Variants in PLEKHA2 observed in about 807,000 individuals in gnomAD.
PLEKHA2 encodes pleckstrin homology domain-containing family A member 2.
Under a neutral mutation model 53.2 loss-of-function variants are expected in PLEKHA2, and 28 were observed. The ratio of observed to expected loss-of-function variants is 0.53; its 90% CI spans 0.39 to 0.72. The LOEUF (loss-of-function observed/expected upper bound fraction) is 0.72. PLEKHA2 is among the 30% of genes least tolerant of loss of function. PLEKHA2 has a pLI of 0.00. For synonymous variants in PLEKHA2, 193 were observed against 196.4 expected, an observed-to-expected ratio of 0.98 and a Z score of 0.14; for missense variants, 426 against 537.9, an observed-to-expected ratio of 0.79 and a Z score of 2.06.
In PLEKHA2 at chr8:38,925,322, GACTA is replaced by G. The variant is rs1218628073; in HGVS notation, c.141+7257_141+7260del. Among the ~76,000 whole-genome samples the G allele has an allele frequency of 5.3e-5, 8 of 152,316 alleles. No individual in the cohort carries two copies. In the South Asian group the frequency reaches 1.2e-3, roughly 24 times the overall value. On this transcript the variant is annotated intron_variant, in intron 2 of 11. Transcript: ENST00000617275. ...CCCTACTCTAGTACAGCAATCTGCA[GACTA>G]ACTATGTTTTAGTTGCAGAGAATTG... is the stretch of plus-strand genomic sequence containing the variant.
intron 3 of PLEKHA2, among the ~76,000 whole-genome samples, chr8:38,939,343 G>GTCT (rs1323979546): frequency 6.6e-6 from 1 of 152,158 alleles, no homozygotes. Context: ...GACATTGAGG[G>GTCT]TCTTACCCTT....
chr8:38,911,099 C>A (rs1028472711), intron 1 of PLEKHA2, among the ~76,000 whole-genome samples: 1 of 152,134 alleles, frequency 6.6e-6, no homozygotes, highest in African/African-American at 2.4e-5. Flanking sequence ...CCTTCTCTTA[C>A]AAATACCCTG....
intron 10 of PLEKHA2, among the ~76,000 whole-genome samples, chr8:38,964,852 CTTTTTTTTTTTT>C (rs56714628): frequency 4.4e-4 from 24 of 54,954 alleles, no homozygotes; most frequent in African/African-American, 1.2e-3. Context: ...TGTTACTTCC[CTTTTTTTTTTTT>C]TTTTTTTTTT....
At chr8:38,927,954 G>A (rs1236515249) in intron 2 of PLEKHA2, among the ~76,000 whole-genome samples, 3 of 152,004 alleles carry the variant, frequency 2.0e-5, no homozygotes, top group Non-Finnish European at 4.4e-5. Context: ...GAGAGTGGGG[G>A]GGCAGGTTTA....
intron 1 of PLEKHA2, among the ~76,000 whole-genome samples, chr8:38,911,339 C>T (rs1833951560): frequency 6.6e-6 from 1 of 151,984 alleles, no homozygotes; most frequent in Admixed American, 6.6e-5. Flanking sequence ...CAGGTTCAAG[C>T]AATTCTCCTG....
chr8:38,926,967 A>C (rs1042757181), intron 2 of PLEKHA2, among the ~76,000 whole-genome samples: 1 of 152,220 alleles, frequency 6.6e-6, no homozygotes, highest in Non-Finnish European at 1.5e-5. Flanking sequence ...TAGCACATTG[A>C]AAGAATTGTG....
chr8:38,907,008 C>T (rs145275319), intron 1 of PLEKHA2, among the ~76,000 whole-genome samples: 19 of 152,278 alleles, frequency 1.2e-4, no homozygotes, highest in Non-Finnish European at 2.5e-4. Context: ...TCTCCTGTTA[C>T]CCAGTTGAGC....
At chr8:38,935,902 G>GA (rs1200581875) in intron 2 of PLEKHA2, 92 bp from the exon 3 acceptor site, 10 of 1,222,450 alleles carry the variant, frequency 8.2e-6, no homozygotes, top group African/African-American at 3.0e-5. Context: ...GTGTTGCCAG[G>GA]AAAGTGGCAT....
intron 1 of PLEKHA2, among the ~76,000 whole-genome samples, chr8:38,917,638 G>T (rs1370433556): frequency 1.3e-5 from 2 of 152,188 alleles, no homozygotes; most frequent in African/African-American, 4.8e-5. Flanking sequence ...CTGATCTAAA[G>T]TCTGGGCTTA....
intron 5 of PLEKHA2, among the ~76,000 whole-genome samples, chr8:38,946,602 G>C (rs924578508): frequency 3.9e-5 from 6 of 152,176 alleles, no homozygotes; most frequent in African/African-American, 1.4e-4. Context: ...CTTTTTCCCA[G>C]CTTGGGGGAT....
intron 9 of PLEKHA2, among the ~76,000 whole-genome samples, chr8:38,955,657 T>G (rs1252651174): frequency 6.6e-6 from 1 of 152,250 alleles, no homozygotes; most frequent in Non-Finnish European, 1.5e-5. Flanking sequence ...TCTGGTCTCA[T>G]GCACTCCTTT....
intron 1 of PLEKHA2, among the ~76,000 whole-genome samples, chr8:38,912,347 CAG>C (rs1052157610): frequency 1.3e-5 from 2 of 152,170 alleles, no homozygotes; most frequent in African/African-American, 2.4e-5. Context: ...ATGTAACTGG[CAG>C]AGTGTTGTGA....
At chr8:38,944,507 A>T (rs550271926) in intron 4 of PLEKHA2, among the ~76,000 whole-genome samples, 1 of 151,792 alleles carries the variant, frequency 6.6e-6, no homozygotes, top group African/African-American at 2.4e-5. Flanking sequence ...AAAAAAAGAA[A>T]AAAAAAAGAG....
At chr8:38,966,627 C>T (rs1835141454) in intron 10 of PLEKHA2, among the ~76,000 whole-genome samples, 1 of 152,092 alleles carries the variant, frequency 6.6e-6, no homozygotes, top group Non-Finnish European at 1.5e-5. Flanking sequence ...AGTTTCCTCC[C>T]TTTTTTCATA....
intron 5 of PLEKHA2, among the ~76,000 whole-genome samples, chr8:38,946,504 T>C (rs533443912): frequency 6.6e-6 from 1 of 152,344 alleles, no homozygotes; most frequent in East Asian, 1.9e-4. Flanking sequence ...TCTGGGATGC[T>C]GATTCAGAAT....
chr8:38,909,545 T>C (rs920979981), intron 1 of PLEKHA2, among the ~76,000 whole-genome samples: 7 of 152,232 alleles, frequency 4.6e-5, no homozygotes, highest in African/African-American at 1.7e-4. Context: ...ATTATGAGCC[T>C]TGCAAAGTTA....
chr8:38,928,737 A>G (rs1834333785), intron 2 of PLEKHA2, among the ~76,000 whole-genome samples: 2 of 152,218 alleles, frequency 1.3e-5, no homozygotes, highest in South Asian at 4.1e-4. Flanking sequence ...AGGATGATAT[A>G]GAATCGACTT....
intron 2 of PLEKHA2, among the ~76,000 whole-genome samples, chr8:38,918,568 C>CATAT (rs1564110012): frequency 2.4e-4 from 8 of 33,892 alleles, no homozygotes; most frequent in South Asian, 1.0e-3. Context: ...ACATTATACA[C>CATAT]ACACATGCAC....
chr8:38,936,935 G>A (rs1330471384), intron 3 of PLEKHA2, among the ~76,000 whole-genome samples: 1 of 152,208 alleles, frequency 6.6e-6, no homozygotes, highest in African/African-American at 2.4e-5. Flanking sequence ...CTTCTGCCCT[G>A]CACATCCCCT....
Sources: gnomAD v4.1 joint callset for allele counts (sites outside exome capture counted in the v4.1 genomes callset) on GRCh38, gnomAD v4.1.1 for gene constraint, MANE v1.5 for transcripts, NCBI Gene and HGNC (gene_info 2026-07-23, HGNC 2026-07-21) for gene names.